GRK5: variants seen among roughly 807,000 people sequenced by gnomAD.
GRK5 encodes the protein G protein-coupled receptor kinase 5.
Under a neutral mutation model 78.4 loss-of-function variants are expected in GRK5, and 40 were observed. The ratio of observed to expected loss-of-function variants is 0.51; its 90% CI spans 0.40 to 0.66. GRK5 has a LOEUF of 0.66. GRK5 is among the 30% of genes least tolerant of loss of function. The pLI is 0.00. For missense variants in GRK5, 598 were observed against 759.9 expected (o/e 0.79, Z 2.50); for synonymous variants, 289 against 296.8 (o/e 0.97, Z 0.27).
intron 1 of GRK5, among the ~76,000 whole-genome samples, chr10:119,215,471 T>G (rs1564851167): frequency 1.4e-4 from 16 of 111,250 alleles, no homozygotes; most frequent in African/African-American, 2.5e-4. Flanking sequence ...GAGGGGGAAA[T>G]GGGTAGGAGA....
chr10:119,256,652 TTATTC>T (rs1428579590), intron 1 of GRK5, among the ~76,000 whole-genome samples: 6 of 151,690 alleles, frequency 4.0e-5, no homozygotes, highest in Admixed American at 3.9e-4. Flanking sequence ...CGTCGCCTCT[TTATTC>T]TATCTCTGAG....
Position 119,455,058 on chromosome 10 carries a change from A to C in GRK5, c.1764A>C (p.Gly588=). ...ACCATGTCAGCTCGAACTCCACCGG[A>C]AGCAGCTAGTTTCGGCTCTGGCCTC... ...NSNHVSSNST[G]SS The change falls in exon 16 of 16, where the codon GGA becomes GGC. Residue 588 remains glycine, a synonymous_variant. Coordinates refer to ENST00000392870, the MANE Select transcript of GRK5 (RefSeq NM_005308.3). 1 of 1,613,462 alleles carries C rather than the reference A, an allele frequency of 6.2e-7. No homozygotes were observed.
chr10:119,395,424 C>T (rs989624104), intron 3 of GRK5, among the ~76,000 whole-genome samples: 4 of 152,052 alleles, frequency 2.6e-5, no homozygotes, highest in Non-Finnish European at 5.9e-5. Context: ...CCCTGAGGGC[C>T]GGCTGGGCAT....
At position 119,347,838 on chromosome 10, in the gene GRK5, G is replaced by A. The variant is rs1347675036; in HGVS notation, c.148+21227G>A. On this transcript the variant is annotated intron_variant, in intron 2 of 15. Transcript: ENST00000392870. ...CTCCTGGGACCTGAGTCTTCCCTGG[G>A]GGGCAGGGACAGCTTGGTAGGCAGA... 2.0e-5 allele frequency among the ~76,000 whole-genome samples: 3 copies of A among 152,360 alleles called. No homozygotes were observed. The East Asian group carries it at 5.8e-4, about 29-fold the overall frequency.
intron 3 of GRK5, among the ~76,000 whole-genome samples, chr10:119,391,728 C>G (rs1851891141): frequency 6.6e-6 from 1 of 152,120 alleles, no homozygotes; most frequent in African/African-American, 2.4e-5. Flanking sequence ...AGGGGCGGCC[C>G]ACGTGGTCAG....
chr10:119,223,632 G>C (rs1313193147), intron 1 of GRK5, among the ~76,000 whole-genome samples: 1 of 151,724 alleles, frequency 6.6e-6, no homozygotes, highest in Non-Finnish European at 1.5e-5. Context: ...AATATTTCTA[G>C]AGACGGGGAG....
intron 2 of GRK5, among the ~76,000 whole-genome samples, chr10:119,343,264 TGAGAGA>T (rs58146681): frequency 4.0e-5 from 6 of 148,894 alleles, no homozygotes; most frequent in Non-Finnish European, 9.0e-5. Flanking sequence ...AGTGAACAGA[TGAGAGA>T]GAGAGAGAGA....
At chr10:119,321,079 CA>C (rs1377194812) in intron 1 of GRK5, among the ~76,000 whole-genome samples, 1 of 152,232 alleles carries the variant, frequency 6.6e-6, no homozygotes, top group African/African-American at 2.4e-5. Flanking sequence ...GAGAGCCAAA[CA>C]TTTGTCTAGA....
At chr10:119,333,743 G>A (rs1341362722) in intron 2 of GRK5, 1 of 531,458 alleles carries the variant, frequency 1.9e-6, no homozygotes, top group Non-Finnish European at 3.9e-6. Flanking sequence ...TGTTTAGTGA[G>A]CACTGAAAAC....
chr10:119,410,348 C>A (rs1240080622), intron 4 of GRK5, among the ~76,000 whole-genome samples: 2 of 152,184 alleles, frequency 1.3e-5, no homozygotes, highest in Non-Finnish European at 2.9e-5. Context: ...AAGCGCACTT[C>A]TTCCTTATTT....
intron 5 of GRK5, among the ~76,000 whole-genome samples, chr10:119,424,466 T>C (rs1194841181): frequency 1.3e-5 from 2 of 152,084 alleles, no homozygotes; most frequent in African/African-American, 2.4e-5. Context: ...TGAATTCCAA[T>C]GCATGCATAA....
intron 1 of GRK5, among the ~76,000 whole-genome samples, chr10:119,294,940 C>T (rs1006168779): frequency 2.0e-5 from 3 of 152,082 alleles, no homozygotes; most frequent in Non-Finnish European, 2.9e-5. Flanking sequence ...CCTGTAATCC[C>T]AGCACTTTGG....
In GRK5 at chr10:119,457,176, T is replaced by C. The variant is rs1853412545; in HGVS notation, c.*2109T>C. ...TTTTCAATGAAAAGAAGGACCATCA[T>C]CCTAGGATGGTCACCAGCCCAAGCC... On this transcript the variant is annotated 3_prime_UTR_variant, in exon 16 of 16. Coordinates refer to ENST00000392870, the MANE Select transcript of GRK5 (RefSeq NM_005308.3). 1 of 152,106 alleles carries C rather than the reference T, an allele frequency of 6.6e-6. No homozygotes were observed. The highest frequency in any genetic ancestry group is 2.4e-5 in the African/African-American group (1 of 41,404). The allele number at this position is 152,106 out of a possible 1,614,324, so 9.4% of individuals were successfully genotyped here.
At chr10:119,292,181 CCTCCTCCTCTTCCTCCTT>C (rs1195410662) in intron 1 of GRK5, among the ~76,000 whole-genome samples, 18 of 139,290 alleles carry the variant, frequency 1.3e-4, no homozygotes, top group African/African-American at 4.8e-4. Context: ...TCCTCTTCCT[CCTCCTCCTCTTCCTCCTT>C]CTCCTATTCC....
chr10:119,284,332 T>A (rs1849812621), intron 1 of GRK5, among the ~76,000 whole-genome samples: 1 of 152,202 alleles, frequency 6.6e-6, no homozygotes, highest in African/African-American at 2.4e-5. Context: ...AATATAAAAA[T>A]CCTTTTCTTT....
intron 4 of GRK5, among the ~76,000 whole-genome samples, chr10:119,405,742 G>A (rs1362816742): frequency 6.6e-6 from 1 of 152,132 alleles, no homozygotes; most frequent in Non-Finnish European, 1.5e-5. Context: ...ACTGAGTATG[G>A]GGCTGATAAA....
intron 2 of GRK5, among the ~76,000 whole-genome samples, chr10:119,376,971 C>T (rs1053001501): frequency 7.2e-5 from 11 of 152,188 alleles, no homozygotes; most frequent in East Asian, 1.9e-4. Flanking sequence ...AGAGCAAGTG[C>T]GCATGCGCGT....
At chr10:119,450,345 C>T (rs1008080006) in intron 13 of GRK5, among the ~76,000 whole-genome samples, 40 of 152,290 alleles carry the variant, frequency 2.6e-4, no homozygotes, top group African/African-American at 6.7e-4. Context: ...CTCCAGGTCC[C>T]GTGCCAGGCC....
chr10:119,293,911 C>T (rs1850030232), intron 1 of GRK5, among the ~76,000 whole-genome samples: 1 of 152,128 alleles, frequency 6.6e-6, no homozygotes, highest in African/African-American at 2.4e-5. Context: ...ATGACAAGAG[C>T]ACTCTGTGTC....
Sources: gnomAD v4.1 joint callset for allele counts (sites outside exome capture counted in the v4.1 genomes callset) on GRCh38, gnomAD v4.1.1 for gene constraint, MANE v1.5 for transcripts, NCBI Gene and HGNC (gene_info 2026-07-23, HGNC 2026-07-21) for gene names.